NRXN1: variants seen among roughly 807,000 people sequenced by gnomAD.
NRXN1 encodes neurexin-1.
In NRXN1, 39 loss-of-function variants were observed where a neutral mutation model predicts 150.9. The observed-to-expected ratio is 0.26, with a 90% CI of 0.20 to 0.34. The LOEUF is 0.34. NRXN1 is among the 10% of genes least tolerant of loss of function. The pLI, the probability that NRXN1 is intolerant of heterozygous loss-of-function variation, is 1.00. For synonymous variants in NRXN1, 924 were observed against 757.0 expected, an observed-to-expected ratio of 1.22 and a Z score of -3.62; for missense variants, 1,815 against 1,949.9, an observed-to-expected ratio of 0.93 and a Z score of 1.30.
intron 17 of NRXN1, among the ~76,000 whole-genome samples, chr2:50,363,114 G>GT (rs1298429484): frequency 2.6e-5 from 4 of 152,046 alleles, no homozygotes; most frequent in Non-Finnish European, 5.9e-5. Flanking sequence ...AGATTTAAAC[G>GT]TAAGACCTAA....
chr2:50,006,351 T>G (rs1222772796), intron 21 of NRXN1, among the ~76,000 whole-genome samples: 1 of 152,154 alleles, frequency 6.6e-6, no homozygotes, highest in Non-Finnish European at 1.5e-5. Context: ...TGAAGTCATT[T>G]TCCCAAAGCA....
chr2:50,173,896 G>A (rs966500133), intron 18 of NRXN1, among the ~76,000 whole-genome samples: 1 of 152,014 alleles, frequency 6.6e-6, no homozygotes, highest in African/African-American at 2.4e-5. Context: ...TATTTATTAT[G>A]GGTAATACAG....
At chr2:50,658,084 T>C (rs910526691) in intron 5 of NRXN1, among the ~76,000 whole-genome samples, 1 of 152,064 alleles carries the variant, frequency 6.6e-6, no homozygotes, top group Admixed American at 6.6e-5. Flanking sequence ...CAGCAGATCT[T>C]AGACTTTCCA....
chr2:49,955,973 T>C (rs1674865022), intron 21 of NRXN1, among the ~76,000 whole-genome samples: 1 of 152,160 alleles, frequency 6.6e-6, no homozygotes, highest in African/African-American at 2.4e-5. Flanking sequence ...TCAGAACATT[T>C]AGAATACTGT....
chr2:50,929,649 G>T (rs918597885), intron 2 of NRXN1, among the ~76,000 whole-genome samples: 2 of 152,028 alleles, frequency 1.3e-5, no homozygotes, highest in African/African-American at 4.8e-5. Context: ...AACAGGCAGT[G>T]GAAAGACAGA....
chr2:50,584,739 C>A (rs1038696411), intron 8 of NRXN1, among the ~76,000 whole-genome samples: 14 of 152,080 alleles, frequency 9.2e-5, no homozygotes, highest in Non-Finnish European at 1.8e-4. Flanking sequence ...GATGCTGCCA[C>A]TATAGTTTGG....
intron 21 of NRXN1, among the ~76,000 whole-genome samples, chr2:49,999,159 GA>G (rs1683497269): frequency 6.6e-6 from 1 of 152,108 alleles, no homozygotes; most frequent in African/African-American, 2.4e-5. Flanking sequence ...ACCTTGAATA[GA>G]AAGATATTAG....
At chr2:50,438,446 G>A (rs1235624135) in intron 17 of NRXN1, among the ~76,000 whole-genome samples, 1 of 152,206 alleles carries the variant, frequency 6.6e-6, no homozygotes, top group East Asian at 1.9e-4. Flanking sequence ...ACTGGGGGGA[G>A]TGGACTTGTT....
chr2:50,583,001 C>T (rs1426252015), intron 8 of NRXN1, among the ~76,000 whole-genome samples: 1 of 151,944 alleles, frequency 6.6e-6, no homozygotes, highest in Non-Finnish European at 1.5e-5. Flanking sequence ...TCTTTTCTCT[C>T]TGATCCCATT....
intron 17 of NRXN1, among the ~76,000 whole-genome samples, chr2:50,440,260 A>G (rs1039323339): frequency 6.6e-6 from 1 of 152,168 alleles, no homozygotes; most frequent in African/African-American, 2.4e-5. Context: ...GTCTGGTTCC[A>G]GATGACATAG....
chr2:50,866,120 A>G (rs2106065876), intron 5 of NRXN1, among the ~76,000 whole-genome samples: 1 of 152,010 alleles, frequency 6.6e-6, no homozygotes, highest in African/African-American at 2.4e-5. Context: ...GATTATCAGT[A>G]TCAAATTTAA....
chr2:50,958,351 A>G (rs1692605609), intron 2 of NRXN1, among the ~76,000 whole-genome samples: 1 of 152,152 alleles, frequency 6.6e-6, no homozygotes, highest in East Asian at 1.9e-4. Flanking sequence ...TTTGTAAAAT[A>G]GGATCTCAAA....
chr2:50,372,083 G>C (rs1484456834), intron 17 of NRXN1, among the ~76,000 whole-genome samples: 5 of 152,006 alleles, frequency 3.3e-5, no homozygotes, highest in Non-Finnish European at 5.9e-5. Context: ...TCATACATTT[G>C]AAGTAAATTC....
intron 5 of NRXN1, among the ~76,000 whole-genome samples, chr2:50,800,352 T>C (rs1438462892): frequency 6.6e-6 from 1 of 152,166 alleles, no homozygotes; most frequent in African/African-American, 2.4e-5. Flanking sequence ...TATATTTACA[T>C]TGCACTTTGC....
At chr2:50,990,678 C>T (rs1337125849) in intron 2 of NRXN1, among the ~76,000 whole-genome samples, 1 of 151,962 alleles carries the variant, frequency 6.6e-6, no homozygotes, top group Non-Finnish European at 1.5e-5. Context: ...CATTCATCCT[C>T]GAGTCCTATT....
At chr2:50,028,154 A>C (rs1688651479) in intron 21 of NRXN1, among the ~76,000 whole-genome samples, 2 of 152,188 alleles carry the variant, frequency 1.3e-5, no homozygotes, top group Non-Finnish European at 2.9e-5. Context: ...CATAACTGTA[A>C]GAAAATACTT....
intron 5 of NRXN1, among the ~76,000 whole-genome samples, chr2:50,885,846 C>CACACACAG (rs1680155279): frequency 6.6e-6 from 1 of 151,044 alleles, no homozygotes; most frequent in Non-Finnish European, 1.5e-5. Context: ...CACACACACA[C>CACACACAG]ACACACGTCT....
At chr2:50,609,841 G>A (rs1677741486) in intron 8 of NRXN1, among the ~76,000 whole-genome samples, 1 of 151,958 alleles carries the variant, frequency 6.6e-6, no homozygotes, top group African/African-American at 2.4e-5. Context: ...GTACTCCACA[G>A]AGAGCCTGGT....
chr2:50,205,558 T>C (rs147534389), intron 18 of NRXN1, among the ~76,000 whole-genome samples: 3 of 152,162 alleles, frequency 2.0e-5, no homozygotes, highest in East Asian at 3.9e-4. Flanking sequence ...ATATATGTTA[T>C]AAAATTCTAT....
Sources: allele counts gnomAD v4.1 joint callset (sites outside exome capture counted in the v4.1 genomes callset), GRCh38; gene constraint gnomAD v4.1.1; transcripts MANE v1.5; gene names NCBI Gene and HGNC (gene_info 2026-07-23, HGNC 2026-07-21).